SLC7A7: variants seen among roughly 807,000 people sequenced by gnomAD.
SLC7A7 encodes the protein Y+L amino acid transporter 1.
SLC7A7 carries 39 observed loss-of-function variants against 47.9 expected under a neutral mutation model. That is an observed-to-expected ratio of 0.81 (90% CI 0.63 to 1.06). The LOEUF (loss-of-function observed/expected upper bound fraction) is 1.06. SLC7A7 is among the 50% of genes least tolerant of loss of function. The pLI, the probability that SLC7A7 is intolerant of heterozygous loss-of-function variation, is 0.00. For missense variants in SLC7A7, 588 were observed against 632.0 expected, an observed-to-expected ratio of 0.93 and a Z score of 0.75; for synonymous variants, 234 against 242.8, an observed-to-expected ratio of 0.96 and a Z score of 0.34.
At chr14:22,797,512 AG>A (rs2039039312) in intron 2 of SLC7A7, among the ~76,000 whole-genome samples, 1 of 152,154 alleles carries the variant, frequency 6.6e-6, no homozygotes. Context: ...TTCACTCAAA[AG>A]TGGACATTGA....
At chr14:22,799,270 C>T (rs1218374957) in intron 2 of SLC7A7, among the ~76,000 whole-genome samples, 2 of 152,018 alleles carry the variant, frequency 1.3e-5, no homozygotes, top group Non-Finnish European at 2.9e-5. Flanking sequence ...TCACCATCTT[C>T]CAGGTTTCCA....
chr14:22,806,478 C>T (rs905540374), intron 2 of SLC7A7, among the ~76,000 whole-genome samples: 1 of 151,788 alleles, frequency 6.6e-6, no homozygotes, highest in Non-Finnish European at 1.5e-5. Context: ...CCAAAGAAGG[C>T]GCTGCTCATG....
rs929919094 is a variant in SLC7A7 at position 22,773,579 on chromosome 14, C to T, written c.*31G>A. On this transcript the variant is annotated 3_prime_UTR_variant, in exon 10 of 10. Transcript: ENST00000674313. Reference sequence around the variant, plus strand: ...GCTCTAGCCAGTAGACCAGAAACCCCTGCTTTCCACATCAGGATTCCAGAT... The same window carrying T: ...GCTCTAGCCAGTAGACCAGAAACCCTTGCTTTCCACATCAGGATTCCAGAT... 48 of 1,587,498 alleles carry T rather than the reference C, an allele frequency of 3.0e-5. No homozygotes were observed. The highest frequency in any genetic ancestry group is 3.9e-5 in the Non-Finnish European group (45 of 1,155,730).
At chr14:22,793,149 C>T (rs1489282213) in intron 2 of SLC7A7, among the ~76,000 whole-genome samples, 1 of 151,868 alleles carries the variant, frequency 6.6e-6, no homozygotes, top group Non-Finnish European at 1.5e-5. Context: ...GATCTCCTGA[C>T]CTCGTAATCC....
intron 2 of SLC7A7, among the ~76,000 whole-genome samples, chr14:22,785,242 C>T (rs2038793059): frequency 2.6e-5 from 4 of 152,234 alleles, no homozygotes; most frequent in African/African-American, 9.6e-5. Context: ...CACGCCACTG[C>T]ACTCCAGCCT....
chr14:22,777,936 G>T (rs142783657), intron 4 of SLC7A7, among the ~76,000 whole-genome samples: 1 of 152,142 alleles, frequency 6.6e-6, no homozygotes, highest in Non-Finnish European at 1.5e-5. Flanking sequence ...TTAGCCAGGC[G>T]TGGTGGCAGG....
chr14:22,784,495 G>A (rs1797442937), intron 2 of SLC7A7, among the ~76,000 whole-genome samples: 1 of 152,066 alleles, frequency 6.6e-6, no homozygotes, highest in Non-Finnish European at 1.5e-5. Context: ...GTGTGTGCCT[G>A]TAGTCCCATC....
intron 8 of SLC7A7, 34 bp downstream of exon 8, chr14:22,774,320 C>G (rs372088488): frequency 5.0e-6 from 8 of 1,613,868 alleles, no homozygotes; most frequent in Non-Finnish European, 6.8e-6. Flanking sequence ...CCAGCTGTTT[C>G]AGGTGGAGCA....
intron 9 of SLC7A7, 102 bp from the exon 10 acceptor site, chr14:22,773,818 C>A: frequency 6.5e-7 from 1 of 1,548,864 alleles, no homozygotes; most frequent in Non-Finnish European, 8.9e-7. Context: ...TCCACTAAGC[C>A]GAAGGGTTCA....
chr14:22,788,246 C>G (rs920860722), intron 2 of SLC7A7, among the ~76,000 whole-genome samples: 3 of 152,096 alleles, frequency 2.0e-5, no homozygotes, highest in Non-Finnish European at 2.9e-5. Flanking sequence ...GAATTTGCCA[C>G]GAACCTCTCC....
chr14:22,805,089 C>T (rs1442692179), intron 2 of SLC7A7, among the ~76,000 whole-genome samples: 3 of 147,438 alleles, frequency 2.0e-5, no homozygotes, highest in African/African-American at 4.9e-5. Flanking sequence ...AACACCTGGC[C>T]AGGTGCAGTG....
At chr14:22,801,915 C>A (rs2039121733) in intron 2 of SLC7A7, among the ~76,000 whole-genome samples, 1 of 152,210 alleles carries the variant, frequency 6.6e-6, no homozygotes, top group Admixed American at 6.5e-5. Context: ...AACGTGGCAA[C>A]CTCTTCGCAA....
intron 2 of SLC7A7, among the ~76,000 whole-genome samples, chr14:22,794,127 G>C (rs922873795): frequency 1.3e-5 from 2 of 152,176 alleles, no homozygotes; most frequent in African/African-American, 2.4e-5. Flanking sequence ...CAGAATGTTC[G>C]GGGAGACTGA....
At chr14:22,803,405 G>A (rs28590479) in intron 2 of SLC7A7, among the ~76,000 whole-genome samples, 25,798 of 152,026 alleles carry the variant, frequency 0.17, 2,476 homozygotes, top group East Asian at 0.43. Flanking sequence ...GCAACAGAGC[G>A]AGACACCATC....
intron 2 of SLC7A7, among the ~76,000 whole-genome samples, chr14:22,807,829 C>A (rs919970257): frequency 1.3e-5 from 2 of 152,142 alleles, no homozygotes; most frequent in Admixed American, 6.6e-5. Context: ...ATGTTCTCTG[C>A]GATACCTTCC....
At position 22,796,405 on chromosome 14, in the gene SLC7A7, C is replaced by T. The variant is rs71412100; in HGVS notation, c.500-16354G>A. On this transcript the variant is annotated intron_variant, in intron 2 of 9. Transcript: ENST00000674313. The stretch of plus-strand genomic sequence containing the variant: ...CAGCAACCCTCAGCCCCCACCAGCA[C>T]CCTGAAAGGCAAAAGCACGAAATAC... Among the ~76,000 whole-genome samples, 1,369 of 152,256 alleles carry T rather than the reference C, an allele frequency of 9.0e-3. 15 individuals carry two copies. Among genetic ancestry groups the T allele is most frequent in the Middle Eastern group, 0.02 (6 of 294 alleles).
chr14:22,805,970 G>C (rs10135949), intron 2 of SLC7A7, among the ~76,000 whole-genome samples: 28 of 150,966 alleles, frequency 1.9e-4, no homozygotes, highest in Admixed American at 4.0e-4. Context: ...GTGAAACCTC[G>C]TCTCTACTAA....
chr14:22,785,007 G>T (rs749703114), intron 2 of SLC7A7, among the ~76,000 whole-genome samples: 1 of 151,912 alleles, frequency 6.6e-6, no homozygotes, highest in Non-Finnish European at 1.5e-5. Flanking sequence ...AGCCAGGCGC[G>T]GTGGTTCGCG....
intron 2 of SLC7A7, among the ~76,000 whole-genome samples, chr14:22,788,559 C>A (rs1054483460): frequency 6.6e-6 from 1 of 151,834 alleles, no homozygotes. Context: ...CAAAAATTAG[C>A]TGGGCGTGGT....
Sources: gnomAD v4.1 joint callset for allele counts (sites outside exome capture counted in the v4.1 genomes callset) on GRCh38, gnomAD v4.1.1 for gene constraint, MANE v1.5 for transcripts, NCBI Gene and HGNC (gene_info 2026-07-23, HGNC 2026-07-21) for gene names.